The following ARHGAP8 variants were observed in gnomAD, a reference collection of about 807,000 sequenced individuals.
The protein encoded by ARHGAP8 is rho GTPase-activating protein 8.
Under a neutral mutation model 46.1 loss-of-function variants are expected in ARHGAP8, and 62 were observed. The ratio of observed to expected loss-of-function variants is 1.34; its 90% CI spans 1.10 to 1.66. ARHGAP8 has a LOEUF of 1.66. Among genes scored for constraint, ARHGAP8 ranks in the 40% most tolerant of loss-of-function variants. The pLI is 0.00. For missense variants in ARHGAP8, 923 were observed against 568.4 expected (o/e 1.62, Z -6.34); for synonymous variants, 375 against 243.1 (o/e 1.54, Z -5.05).
In ARHGAP8 at chr22:44,862,406, A is replaced by ACTG; in HGVS notation, c.1117_1119dup (p.Leu373dup). ...TTGTGCCCCTGAACATGTTCACTGAACTGCTGATCGAGTACTATGAAAAGA... is the reference window on the plus strand; with the variant it reads ...TTGTGCCCCTGAACATGTTCACTGAACTGCTGCTGATCGAGTACTATGAAAAGA... On this transcript the variant is annotated inframe_insertion, in exon 12 of 12. Transcript: ENST00000356099. The ACTG allele has an allele frequency of 6.2e-7, 1 of 1,614,056 alleles. No individual in the cohort carries two copies.
Position 44,862,208 on chromosome 22 carries a change from GA to G in ARHGAP8, c.982-66del. The G allele has an allele frequency of 2.0e-6, 3 of 1,526,726 alleles. No individual in the cohort carries two copies. In the East Asian group the frequency reaches 6.8e-5, roughly 35 times the overall value. 94.6% of individuals were successfully genotyped at this position (1,526,726 alleles called of 1,614,324 possible). A position where few individuals can be genotyped will look rare whatever the true frequency, so the allele number is the denominator to read the frequency against. ...CACCTACGCCTCTCCCTAAGTTCGG[GA>G]GGGAGTTCCAGGTGCCCGTGCCCCT... On this transcript the variant is annotated intron_variant, in intron 11 of 11. Transcript: ENST00000356099.
At chr22:44,806,928 C>T (rs1218569904) in intron 3 of ARHGAP8, among the ~76,000 whole-genome samples, 2 of 150,562 alleles carry the variant, frequency 1.3e-5, no homozygotes, top group Non-Finnish European at 3.0e-5. Flanking sequence ...CACACCACTG[C>T]ACTCCAGCCT....
intron 2 of ARHGAP8, among the ~76,000 whole-genome samples, chr22:44,790,317 G>A (rs1159647786): frequency 6.6e-6 from 1 of 152,052 alleles, no homozygotes; most frequent in Non-Finnish European, 1.5e-5. Flanking sequence ...AAAACTGGGG[G>A]TGAGGGTTGT....
rs563323636 is a variant in ARHGAP8 at position 44,794,261 on chromosome 22, C to T, written c.79+7655C>T. 2.0e-4 allele frequency among the ~76,000 whole-genome samples: 31 copies of T among 152,298 alleles called. No individual in the cohort carries two copies. In the South Asian group the frequency reaches 6.2e-3, roughly 31 times the overall value. On this transcript the variant is annotated intron_variant, in intron 2 of 11. Coordinates refer to ENST00000356099, the MANE Select transcript of ARHGAP8 (RefSeq NM_181335.3). Reference sequence around the variant, plus strand: ...CTTCATGCAGGTTATTGATTTAACCCTTCCTGTAACCCTCCAAGTCAGTTT... The same window carrying T: ...CTTCATGCAGGTTATTGATTTAACCTTTCCTGTAACCCTCCAAGTCAGTTT...
chr22:44,827,898 G>C (rs866892767), intron 7 of ARHGAP8, among the ~76,000 whole-genome samples: 1 of 152,110 alleles, frequency 6.6e-6, no homozygotes, highest in African/African-American at 2.4e-5. Context: ...CCCCAGCGTC[G>C]GTCCCTAGAC....
intron 3 of ARHGAP8, among the ~76,000 whole-genome samples, chr22:44,804,037 C>A (rs536463266): frequency 6.6e-6 from 1 of 151,332 alleles, no homozygotes; most frequent in African/African-American, 2.4e-5. Flanking sequence ...CAGTCTTGAG[C>A]GTGGGCCCGG....
At chr22:44,860,071 C>T (rs2070395496) in intron 11 of ARHGAP8, among the ~76,000 whole-genome samples, 1 of 152,156 alleles carries the variant, frequency 6.6e-6, no homozygotes. Flanking sequence ...CCTGTACCTG[C>T]TGTCCCTCAG....
intron 2 of ARHGAP8, among the ~76,000 whole-genome samples, chr22:44,790,831 C>G (rs1181337212): frequency 9.3e-5 from 14 of 150,954 alleles, no homozygotes; most frequent in African/African-American, 3.4e-4. Context: ...CTCCCGGGTT[C>G]AAGGGATTCT....
intron 1 of ARHGAP8, among the ~76,000 whole-genome samples, chr22:44,775,170 G>A (rs1158305586): frequency 6.6e-6 from 1 of 152,172 alleles, no homozygotes; most frequent in African/African-American, 2.4e-5. Context: ...AAGAGGCAAA[G>A]GTTTCCTGGG....
rs1456117112 is a variant in ARHGAP8, at chr22:44,816,887, T to TC, written c.386+2129_386+2130insC. On this transcript the variant is annotated intron_variant, in intron 5 of 11. Coordinates refer to ENST00000356099, the MANE Select transcript of ARHGAP8 (RefSeq NM_181335.3). ...TTTCTTTTTTCTTTCTTTCTTTCTTTTTTTTTTTTTTTTTTGAGACGAAGT... is the reference window on the plus strand; with the variant it reads ...TTTCTTTTTTCTTTCTTTCTTTCTTTCTTTTTTTTTTTTTTTGAGACGAAGT... Among the ~76,000 whole-genome samples the TC allele has an allele frequency of 9.7e-3, 1,433 of 147,102 alleles. 8 individuals carry two copies. The highest frequency in any genetic ancestry group is 0.021 in the Middle Eastern group (6 of 280).
chr22:44,859,348 C>A (rs1345248457), intron 10 of ARHGAP8, among the ~76,000 whole-genome samples: 1 of 148,994 alleles, frequency 6.7e-6, no homozygotes, highest in African/African-American at 2.5e-5. Context: ...AAGCATGTGG[C>A]ACCTCTGTCC....
chr22:44,771,350 A>G (rs1435067736), intron 1 of ARHGAP8, among the ~76,000 whole-genome samples: 2 of 148,188 alleles, frequency 1.3e-5, no homozygotes, highest in Admixed American at 6.9e-5. Context: ...TGGTTCAAGC[A>G]ATTCTCCTGC....
chr22:44,825,964 T>C (rs141978404), intron 7 of ARHGAP8, among the ~76,000 whole-genome samples: 2,088 of 132,218 alleles, frequency 0.016, 20 homozygotes, highest in Middle Eastern at 0.029. Context: ...CTGTGCCTGA[T>C]TGGGGGGACC....
intron 7 of ARHGAP8, among the ~76,000 whole-genome samples, chr22:44,825,832 G>C (rs1276152461): frequency 7.3e-6 from 1 of 136,902 alleles, no homozygotes; most frequent in East Asian, 2.2e-4. Flanking sequence ...GCTGCTCGGT[G>C]CCTGGTTGGG....
chr22:44,752,771 G>C (rs1924338990), intron 1 of ARHGAP8, 144 bp downstream of exon 1: 1 of 151,784 alleles, frequency 6.6e-6, no homozygotes, highest in Non-Finnish European at 1.5e-5. Flanking sequence ...GCGACGCCAC[G>C]TGCGGCCGGG....
rs751335303 is a variant in ARHGAP8, at chr22:44,862,480, A to G, written c.1187A>G (p.Glu396Gly). Residue 396 changes from glutamate to glycine, a missense_variant, in exon 12 of 12, where the codon GAA becomes GGA. Coordinates refer to ENST00000356099, the MANE Select transcript of ARHGAP8 (RefSeq NM_181335.3). ...APGEHGLAPW[E>G]QGSRAAPLQE... ...GGGGAGCACGGCCTGGCACCATGGGAACAGGGGAGCAGGGCAGCCCCTTTG... is the reference window on the plus strand; with the variant it reads ...GGGGAGCACGGCCTGGCACCATGGGGACAGGGGAGCAGGGCAGCCCCTTTG... 9 of 1,613,566 alleles carry G rather than the reference A, an allele frequency of 5.6e-6. No homozygotes were observed. Among genetic ancestry groups the G allele is most frequent in the South Asian group, 2.2e-5 (2 of 91,062 alleles).
chr22:44,855,509 T>C (rs1038593656), intron 10 of ARHGAP8, among the ~76,000 whole-genome samples: 1 of 152,210 alleles, frequency 6.6e-6, no homozygotes, highest in African/African-American at 2.4e-5. Context: ...TCATACAAGT[T>C]AAGATTACCT....
At chr22:44,847,395 ACAG>A (rs1214971780) in intron 8 of ARHGAP8, among the ~76,000 whole-genome samples, 1 of 152,248 alleles carries the variant, frequency 6.6e-6, no homozygotes, top group Non-Finnish European at 1.5e-5. Context: ...CACTGTCTAA[ACAG>A]CAGCCACCAG....
In ARHGAP8 at chr22:44,766,463, C is replaced by T. The variant is rs114644017; in HGVS notation, c.-72+13836C>T. Among the ~76,000 whole-genome samples the T allele has an allele frequency of 3.2e-3, 485 of 150,876 alleles. 1 individual carries two copies. The highest frequency in any genetic ancestry group is 7.3e-3 in the African/African-American group (300 of 40,978). ...TTGTGCATATGTGTGTCTCTGTGTA[C>T]GTGTCTCTGTGCATATGTGTGTCTC... On this transcript the variant is annotated intron_variant, in intron 1 of 11. Coordinates refer to ENST00000356099, the MANE Select transcript of ARHGAP8 (RefSeq NM_181335.3).
Sources: gnomAD v4.1 joint callset for allele counts (sites outside exome capture counted in the v4.1 genomes callset) on GRCh38, gnomAD v4.1.1 for gene constraint, MANE v1.5 for transcripts, NCBI Gene and HGNC (gene_info 2026-07-23, HGNC 2026-07-21) for gene names.